Variants in CCDC102B observed in about 807,000 individuals in gnomAD.
CCDC102B encodes coiled-coil domain containing 102B.
Under a neutral mutation model 57.4 loss-of-function variants are expected in CCDC102B, and 75 were observed. That is an observed-to-expected ratio of 1.31 (90% CI 1.08 to 1.58). The LOEUF (loss-of-function observed/expected upper bound fraction) is 1.58, where lower values mean the gene tolerates loss of function less well. Among genes scored for constraint, CCDC102B ranks in the 40% most tolerant of loss-of-function variants. The pLI is 0.00. For synonymous variants in CCDC102B, 206 were observed against 201.9 expected (o/e 1.02, Z -0.17); for missense variants, 636 against 582.6 (o/e 1.09, Z -0.94).
chr18:68,977,949 A>G (rs1457948873), intron 6 of CCDC102B, among the ~76,000 whole-genome samples: 1 of 151,984 alleles, frequency 6.6e-6, no homozygotes, highest in Non-Finnish European at 1.5e-5. Context: ...ATAGGAGCTG[A>G]TGAAAGCCAA....
At chr18:68,715,823 C>A (rs2031928551) in intron 1 of CCDC102B, among the ~76,000 whole-genome samples, 1 of 152,120 alleles carries the variant, frequency 6.6e-6, no homozygotes. Flanking sequence ...TCACTACTTA[C>A]GAACTAGATG....
chr18:69,056,481 A>G (rs544917043), downstream of CCDC102B, among the ~76,000 whole-genome samples: 3 of 152,130 alleles, frequency 2.0e-5, no homozygotes, highest in African/African-American at 7.2e-5. Context: ...GTAGACGTGA[A>G]TTTGAGCTTT....
At chr18:69,026,756 T>C (rs2052004184) in intron 7 of CCDC102B, among the ~76,000 whole-genome samples, 1 of 152,244 alleles carries the variant, frequency 6.6e-6, no homozygotes, top group Non-Finnish European at 1.5e-5. Context: ...ATGCCATGTT[T>C]ACTTTTTATG....
chr18:68,965,930 T>A (rs2050155781), intron 6 of CCDC102B, among the ~76,000 whole-genome samples: 1 of 152,152 alleles, frequency 6.6e-6, no homozygotes, highest in Non-Finnish European at 1.5e-5. Context: ...CCACTCAGTT[T>A]ATGCTATCAC....
chr18:68,908,855 A>G (rs546180569), intron 6 of CCDC102B, among the ~76,000 whole-genome samples: 2 of 152,260 alleles, frequency 1.3e-5, no homozygotes, highest in South Asian at 4.1e-4. Flanking sequence ...AAATTTACAG[A>G]TTTATATGAG....
At chr18:68,935,793 G>A (rs900440751) in intron 6 of CCDC102B, among the ~76,000 whole-genome samples, 20 of 151,870 alleles carry the variant, frequency 1.3e-4, no homozygotes, top group African/African-American at 4.8e-4. Flanking sequence ...AGATGTGCAA[G>A]TGCAGCATCC....
intron 2 of CCDC102B, among the ~76,000 whole-genome samples, chr18:68,730,199 A>G (rs868010154): frequency 6.6e-6 from 1 of 152,162 alleles, no homozygotes. Context: ...AATGAATTCC[A>G]TTATTACGTA....
chr18:68,876,422 G>A (rs1327301051), intron 5 of CCDC102B, among the ~76,000 whole-genome samples: 1 of 152,112 alleles, frequency 6.6e-6, no homozygotes, highest in Non-Finnish European at 1.5e-5. Flanking sequence ...AGAAATTTTA[G>A]ATGAAATACA....
At chr18:68,954,262 A>G (rs1339561781) in intron 6 of CCDC102B, among the ~76,000 whole-genome samples, 1 of 152,078 alleles carries the variant, frequency 6.6e-6, no homozygotes, top group Non-Finnish European at 1.5e-5. Context: ...TCTACTAAAA[A>G]TACGAAAATT....
chr18:68,909,644 T>C (rs1169884722), intron 6 of CCDC102B, among the ~76,000 whole-genome samples: 1 of 152,164 alleles, frequency 6.6e-6, no homozygotes, highest in East Asian at 1.9e-4. Context: ...ATAATATTTT[T>C]GAGAAGGATA....
chr18:68,837,546 G>A (rs1365484317), intron 2 of CCDC102B, among the ~76,000 whole-genome samples, 177 bp downstream of exon 2: 1 of 152,192 alleles, frequency 6.6e-6, no homozygotes, highest in African/African-American at 2.4e-5. Flanking sequence ...AATTGTAGAA[G>A]CTAGAAGTAC....
At chr18:68,729,053 A>G (rs183935796) in intron 2 of CCDC102B, among the ~76,000 whole-genome samples, 148 of 152,330 alleles carry the variant, frequency 9.7e-4, no homozygotes, top group South Asian at 1.2e-3. Context: ...TCATTATGCA[A>G]TAATACATTG....
intron 1 of CCDC102B, among the ~76,000 whole-genome samples, chr18:68,819,170 A>G (rs1002538050): frequency 1.3e-5 from 2 of 152,138 alleles, no homozygotes; most frequent in Non-Finnish European, 2.9e-5. Context: ...CCTGTTTAGA[A>G]AAATCTTAAC....
In CCDC102B at chr18:68,889,735, G is replaced by C. The variant is rs114510012; in HGVS notation, c.1054-7484G>C. Among the ~76,000 whole-genome samples the C allele has an allele frequency of 2.0e-5, 3 of 152,026 alleles. No individual in the cohort carries two copies. The East Asian group carries it at 5.8e-4, about 29-fold the overall frequency. ...ATTACAGGCGTGAGCCACCGGGCCC[G>C]GCCAAATTAGTGTTGTTTTAAGCTA... is the stretch of plus-strand genomic sequence containing the variant. On this transcript the variant is annotated intron_variant, in intron 5 of 7. Transcript: ENST00000360242.
At chr18:68,749,681 G>A (rs2033769876) in intron 2 of CCDC102B, among the ~76,000 whole-genome samples, 1 of 152,164 alleles carries the variant, frequency 6.6e-6, no homozygotes, top group Non-Finnish European at 1.5e-5. Flanking sequence ...TTTGGGCTGA[G>A]ACGATGGGGT....
intron 7 of CCDC102B, among the ~76,000 whole-genome samples, chr18:69,021,074 C>CT (rs1322319011): frequency 6.6e-6 from 1 of 152,190 alleles, no homozygotes; most frequent in Non-Finnish European, 1.5e-5. Flanking sequence ...ATTTTAATGT[C>CT]TTTTGGTGTC....
At chr18:69,055,601 G>T (rs190794960), downstream of CCDC102B, among the ~76,000 whole-genome samples, 6 of 152,152 alleles carry the variant, frequency 3.9e-5, no homozygotes, top group East Asian at 9.7e-4. Flanking sequence ...ATACAGTTTG[G>T]AGAAGCTAAA....
chr18:68,976,005 C>T (rs1414061900), intron 6 of CCDC102B, among the ~76,000 whole-genome samples: 2 of 151,932 alleles, frequency 1.3e-5, no homozygotes, highest in East Asian at 3.9e-4. Flanking sequence ...ATACAGATGC[C>T]TTTCACAGAT....
At chr18:68,906,095 C>T (rs554558955) in intron 6 of CCDC102B, among the ~76,000 whole-genome samples, 164 of 152,120 alleles carry the variant, frequency 1.1e-3, no homozygotes, top group African/African-American at 3.9e-3. Context: ...GCCCGGCCTA[C>T]GTCTGGCTTT....
Sources: gnomAD v4.1 joint callset for allele counts (sites outside exome capture counted in the v4.1 genomes callset) on GRCh38, gnomAD v4.1.1 for gene constraint, MANE v1.5 for transcripts, NCBI Gene and HGNC (gene_info 2026-07-23, HGNC 2026-07-21) for gene names.